The following WDR27 variants were observed in gnomAD, a reference collection of about 807,000 sequenced individuals.
The protein encoded by WDR27 is WD repeat-containing protein 27.
WDR27 carries 100 observed loss-of-function variants against 114.4 expected under a neutral mutation model. The observed-to-expected ratio is 0.87, with a 90% confidence interval of 0.74 to 1.03. The LOEUF (loss-of-function observed/expected upper bound fraction) is 1.03, where lower values mean the gene tolerates loss of function less well. Among genes scored for constraint, WDR27 ranks in the 50% least tolerant of loss-of-function variants. WDR27 has a pLI of 0.00. For synonymous variants in WDR27, 449 were observed against 423.1 expected (o/e 1.06, Z -0.75); for missense variants, 1,129 against 1,092.9 (o/e 1.03, Z -0.47).
At chr6:169,550,161 G>A (rs1270628918) in intron 25 of WDR27, among the ~76,000 whole-genome samples, 2 of 152,204 alleles carry the variant, frequency 1.3e-5, no homozygotes, top group African/African-American at 2.4e-5. Context: ...CAATTTTGCT[G>A]TGAACCTAAA....
At chr6:169,678,912 G>A (rs375142181) in intron 2 of WDR27, among the ~76,000 whole-genome samples, 1 of 151,984 alleles carries the variant, frequency 6.6e-6, no homozygotes, top group African/African-American at 2.4e-5. Flanking sequence ...TAAGAGCCAG[G>A]CACCCTTTTT....
intron 25 of WDR27, among the ~76,000 whole-genome samples, chr6:169,486,748 C>A (rs573811058): frequency 1.3e-5 from 2 of 152,112 alleles, no homozygotes; most frequent in African/African-American, 2.4e-5. Flanking sequence ...CCTCAGCCCC[C>A]CAAAGTGCTG....
chr6:169,495,258 T>C (rs1490469727), intron 25 of WDR27, among the ~76,000 whole-genome samples: 2 of 152,062 alleles, frequency 1.3e-5, no homozygotes, highest in African/African-American at 4.8e-5. Flanking sequence ...AGGTTAGTAT[T>C]TCTTGTAGCG....
At chr6:169,568,808 G>C (rs148148913) in intron 25 of WDR27, among the ~76,000 whole-genome samples, 300 of 152,230 alleles carry the variant, frequency 2.0e-3, no homozygotes, top group African/African-American at 6.1e-3. Flanking sequence ...TTTATTTAAA[G>C]ATTTCAAATC....
At chr6:169,615,776 C>T (rs1250027213) in intron 21 of WDR27, among the ~76,000 whole-genome samples, 1 of 152,118 alleles carries the variant, frequency 6.6e-6, no homozygotes, top group Non-Finnish European at 1.5e-5. Flanking sequence ...CAAAAATTGA[C>T]AAGTGGGATC....
chr6:169,541,986 G>A lies in WDR27; in HGVS notation c.2645+30433C>T, dbSNP rs567773760. 3.3e-5 allele frequency among the ~76,000 whole-genome samples: 5 copies of A among 152,180 alleles called. No individual in the cohort carries two copies. In the South Asian group the frequency reaches 1.0e-3, roughly 32 times the overall value. ...CTGAAGACAAACTGTTGTTACATAG[G>A]TCCACTGCTCCTGCTTCAAACTCTT... On this transcript the variant is annotated intron_variant, in intron 25 of 25. Coordinates refer to ENST00000448612, the MANE Select transcript of WDR27 (RefSeq NM_182552.5).
At chr6:169,508,436 A>G (rs1384771551) in intron 25 of WDR27, among the ~76,000 whole-genome samples, 5 of 152,196 alleles carry the variant, frequency 3.3e-5, no homozygotes, top group African/African-American at 4.8e-5. Context: ...GCTAGAAGAG[A>G]TGTTCAAGAG....
At chr6:169,455,235 C>T (rs1388545925), downstream of WDR27, among the ~76,000 whole-genome samples, 4 of 152,132 alleles carry the variant, frequency 2.6e-5, no homozygotes, top group Non-Finnish European at 5.9e-5. Context: ...ATGGATTTTC[C>T]AAGACAGAAT....
chr6:169,689,062 C>A (rs528726438), intron 1 of WDR27, 50 bp from the exon 2 acceptor site: 33 of 1,403,380 alleles, frequency 2.4e-5, no homozygotes, highest in Non-Finnish European at 2.9e-5. Flanking sequence ...ATATTTAATA[C>A]AGAAAAAAAG....
chr6:169,593,578 T>G (rs113095531), intron 23 of WDR27, among the ~76,000 whole-genome samples: 4,449 of 152,300 alleles, frequency 0.029, 222 homozygotes, highest in African/African-American at 0.1. Context: ...CCAGGTATGG[T>G]GGCTCATGCC....
chr6:169,553,058 C>CTGTGTGTGTGTGTG (rs3033612), intron 25 of WDR27, among the ~76,000 whole-genome samples: 4 of 30,164 alleles, frequency 1.3e-4, no homozygotes, highest in African/African-American at 2.1e-4. Flanking sequence ...CCTGGAGGGC[C>CTGTGTGTGTGTGTG]TGTGTGTGTG....
chr6:169,672,842 G>A (rs1433171938), intron 2 of WDR27, among the ~76,000 whole-genome samples: 1 of 152,182 alleles, frequency 6.6e-6, no homozygotes, highest in African/African-American at 2.4e-5. Context: ...AGGCCCAGGT[G>A]TGGCGACCTT....
intron 25 of WDR27, among the ~76,000 whole-genome samples, chr6:169,504,829 C>A (rs758956752): frequency 4.7e-4 from 72 of 152,228 alleles, no homozygotes; most frequent in Non-Finnish European, 6.0e-4. Context: ...GAACTCCTGG[C>A]CTCAAGCAAT....
intron 25 of WDR27, among the ~76,000 whole-genome samples, chr6:169,539,548 T>G (rs1796595123): frequency 6.6e-6 from 1 of 152,202 alleles, no homozygotes; most frequent in East Asian, 1.9e-4. Flanking sequence ...TCAAATAACA[T>G]GATTCACATC....
At chr6:169,661,808 A>C (rs1826195554) in intron 9 of WDR27, among the ~76,000 whole-genome samples, 1 of 152,258 alleles carries the variant, frequency 6.6e-6, no homozygotes, top group South Asian at 2.1e-4. Flanking sequence ...GTTGCCCCCT[A>C]ATCTCAAGCA....
At chr6:169,579,639 G>A (rs908495337) in intron 24 of WDR27, among the ~76,000 whole-genome samples, 16 of 152,134 alleles carry the variant, frequency 1.1e-4, no homozygotes, top group Admixed American at 3.9e-4. Flanking sequence ...ACAAATGCAT[G>A]GAAACAACCC....
intron 1 of WDR27, 172 bp from the exon 2 acceptor site, chr6:169,689,184 G>A: frequency 2.1e-6 from 1 of 480,424 alleles, no homozygotes; most frequent in Non-Finnish European, 3.6e-6. Flanking sequence ...CGAAAACTCT[G>A]GAGCTTCCAC....
intron 20 of WDR27, among the ~76,000 whole-genome samples, chr6:169,633,376 T>C (rs921382076): frequency 6.6e-6 from 1 of 152,122 alleles, no homozygotes; most frequent in East Asian, 1.9e-4. Context: ...GAGATGTCCA[T>C]GAAACACCCA....
intron 2 of WDR27, among the ~76,000 whole-genome samples, chr6:169,676,736 A>C (rs1033730198): frequency 1.2e-4 from 19 of 152,156 alleles, no homozygotes; most frequent in Admixed American, 1.2e-3. Flanking sequence ...ACTTTCAACC[A>C]ATTGCAATTT....
Sources: gnomAD v4.1 joint callset for allele counts (sites outside exome capture counted in the v4.1 genomes callset) on GRCh38, gnomAD v4.1.1 for gene constraint, MANE v1.5 for transcripts, NCBI Gene and HGNC (gene_info 2026-07-23, HGNC 2026-07-21) for gene names.